The following OR1C1 variants were observed in gnomAD, a reference collection of about 807,000 sequenced individuals.
OR1C1 encodes the protein olfactory receptor 1C1.
For synonymous variants in OR1C1, 153 were observed against 154.6 expected (o/e 0.99, Z 0.08); for missense variants, 407 against 384.3 (o/e 1.06, Z -0.49).
In OR1C1 at chr1:247,755,383, G is replaced by C. The variant is rs1348672280; in HGVS notation, c.*2079C>G. 3.3e-5 allele frequency: 5 copies of C among 152,082 alleles called. No homozygotes were observed. The highest frequency in any genetic ancestry group is 6.6e-5 in the Admixed American group (1 of 15,256). The allele number at this position is 152,082 out of a possible 1,614,324, so 9.4% of individuals were successfully genotyped here. ...AATGAAGAGATGACCTACAAAATGGGAGAAAATATTTGCAAATCATACATC... is the reference window on the plus strand; with the variant it reads ...AATGAAGAGATGACCTACAAAATGGCAGAAAATATTTGCAAATCATACATC... On this transcript the variant is annotated 3_prime_UTR_variant, in exon 2 of 2. Transcript: ENST00000641256.
rs1038427322 is a variant in OR1C1 at position 247,758,484 on chromosome 1, G to C, written c.-13-65C>G. The C allele has an allele frequency of 2.2e-4, 169 of 766,200 alleles. 1 individual carries two copies. The African/African-American group carries it at 3.0e-3, about 14-fold the overall frequency. The allele number at this position is 766,200 out of a possible 1,614,324, so 47.5% of individuals were successfully genotyped here. On this transcript the variant is annotated intron_variant, in intron 1 of 1. Transcript: ENST00000641256. Reference sequence around the variant, plus strand: ...TTAAGTCTCTTATTCATGAGAGAGAGACAGTGTGTGTGTGTGTGTGTGTGT... The same window carrying C: ...TTAAGTCTCTTATTCATGAGAGAGACACAGTGTGTGTGTGTGTGTGTGTGT...
At chr1:247,758,487 A>AGACAGT in intron 1 of OR1C1, 68 bp from the exon 2 acceptor site, 1 of 596,408 alleles carries the variant, frequency 1.7e-6, no homozygotes, top group South Asian at 2.0e-5. Context: ...AGAGAGAGAC[A>AGACAGT]GTGTGTGTGT....
rs1661205672 is a variant in OR1C1, at chr1:247,756,057, G to A, written c.*1405C>T. 1 of 151,900 alleles carries A rather than the reference G, an allele frequency of 6.6e-6. No individual in the cohort carries two copies. The highest frequency in any genetic ancestry group is 6.6e-5 in the Admixed American group (1 of 15,248). The allele number at this position is 151,900 out of a possible 1,614,324, so 9.4% of individuals were successfully genotyped here. A position where few individuals can be genotyped will look rare whatever the true frequency, so the allele number is the denominator to read the frequency against. The stretch of plus-strand genomic sequence containing the variant: ...AGACACGTCTTACCCATTTTTATTG[G>A]GTAAAACTGAAGTTACAATTTACTT... On this transcript the variant is annotated 3_prime_UTR_variant, in exon 2 of 2. Transcript: ENST00000641256. The surrounding 1 kb of genome is among the most constrained non-coding windows in gnomAD (Gnocchi z 4.3).
At position 247,756,054 on chromosome 1, in the gene OR1C1, T is replaced by C. The variant is rs985362892; in HGVS notation, c.*1408A>G. The stretch of plus-strand genomic sequence containing the variant: ...TACAGACACGTCTTACCCATTTTTA[T>C]TGGGTAAAACTGAAGTTACAATTTA... On this transcript the variant is annotated 3_prime_UTR_variant, in exon 2 of 2. Transcript: ENST00000641256. The surrounding 1 kb of genome is among the most constrained non-coding windows in gnomAD (Gnocchi z 4.3). 1.3e-5 allele frequency: 2 copies of C among 152,222 alleles called. No homozygotes were observed. The highest frequency in any genetic ancestry group is 2.4e-5 in the African/African-American group (1 of 41,458). 9.4% of individuals were successfully genotyped at this position (152,222 alleles called of 1,614,324 possible). A position where few individuals can be genotyped will look rare whatever the true frequency, so the allele number is the denominator to read the frequency against.
At chr1:247,759,643 C>T (rs1025787092) in intron 1 of OR1C1, among the ~76,000 whole-genome samples, 1 of 152,074 alleles carries the variant, frequency 6.6e-6, no homozygotes, top group Admixed American at 6.6e-5. Context: ...AGATAATATA[C>T]ATGTTCTGGT....
rs759367214 is a variant in OR1C1 at position 247,757,475 on chromosome 1, A to C, written c.932T>G (p.Phe311Cys). The change falls in exon 2 of 2, where the codon TTT becomes TGT. Residue 311 changes from phenylalanine (F) to cysteine (C), a missense_variant. Phe to Cys is a radical substitution (Grantham distance 205, BLOSUM62 -2). Transcript: ENST00000641256. ...TCACTGAGGTCATTATTGCTGCTGA[A>C]AGACTGTGCACTTGAGAAGCATTTT... is the stretch of plus-strand genomic sequence containing the variant. ...LQKMLLKCTV[F>C]QQQ The C allele has an allele frequency of 4.1e-5, 66 of 1,612,514 alleles. No homozygotes were observed. Among genetic ancestry groups the C allele is most frequent in the Non-Finnish European group, 5.6e-5 (66 of 1,179,156 alleles).
chr1:247,757,796 C>G lies in OR1C1; in HGVS notation c.611G>C (p.Gly204Ala). The stretch of plus-strand genomic sequence containing the variant: ...GACAAGGGGCGTGAGAGCCAATAGA[C>G]CTCCTACTGCAAAAATGATCATTAC... ...FNVMIIFAVG[G>A]LLALTPLVCI... Residue 204 changes from glycine to alanine, a missense_variant, in exon 2 of 2, where the codon GGT becomes GCT. Coordinates refer to ENST00000641256, the MANE Select transcript of OR1C1 (RefSeq NM_012353.3). 6.2e-7 allele frequency: 1 copy of G among 1,613,936 alleles called. No homozygotes were observed. Among genetic ancestry groups the G allele is most frequent in the Non-Finnish European group, 8.5e-7 (1 of 1,179,940 alleles).
In OR1C1 at chr1:247,758,331, G is replaced by T; in HGVS notation, c.76C>A (p.Leu26Ile). ...ATACAGAGAAAGAGCACAGACAGGA[G>T]GTGCTGCTGCTCTGCTGAGCTAGGA... ...GLPSSAEQQH[L>I]LSVLFLCMYL... The change falls in exon 2 of 2, where the codon CTC (leucine) becomes ATC (isoleucine). Residue 26 changes from leucine (L) to isoleucine (I), a missense_variant. Coordinates refer to ENST00000641256, the MANE Select transcript of OR1C1 (RefSeq NM_012353.3). The T allele has an allele frequency of 6.2e-7, 1 of 1,613,174 alleles. No individual in the cohort carries two copies. Among genetic ancestry groups the T allele is most frequent in the Non-Finnish European group, 8.5e-7 (1 of 1,179,216 alleles).
In OR1C1 at chr1:247,757,535, G is replaced by T. The variant is rs760499609; in HGVS notation, c.872C>A (p.Thr291Asn). ...VAPMLNPFIYTLRNRDMKRGL... is the reference protein window; with the variant it reads ...VAPMLNPFIYNLRNRDMKRGL... ...CCTCTTCATATCCCTGTTCCTTAGG[G>T]TATAGATGAAAGGATTCAGCATCGG... is the stretch of plus-strand genomic sequence containing the variant. Residue 291 changes from threonine to asparagine, a missense_variant, in exon 2 of 2, where the codon ACC becomes AAC. By Grantham distance (65) the Thr-to-Asn change is moderately conservative. Coordinates refer to ENST00000641256, the MANE Select transcript of OR1C1 (RefSeq NM_012353.3). 2.5e-6 allele frequency: 4 copies of T among 1,613,966 alleles called. No individual in the cohort carries two copies. Among genetic ancestry groups the T allele is most frequent in the Non-Finnish European group, 3.4e-6 (4 of 1,180,004 alleles).
At chr1:247,758,486 C>A in intron 1 of OR1C1, 67 bp from the exon 2 acceptor site, 1 of 714,524 alleles carries the variant, frequency 1.4e-6, no homozygotes, top group South Asian at 1.8e-5. Context: ...GAGAGAGAGA[C>A]AGTGTGTGTG....
rs1661219651 is a variant in OR1C1 at position 247,756,893 on chromosome 1, G to A, written c.*569C>T. The stretch of plus-strand genomic sequence containing the variant: ...CTGAGTTCCTCCATGCCTGAGATCA[G>A]TTAGGGACACACATGACAAGGACAT... On this transcript the variant is annotated 3_prime_UTR_variant, in exon 2 of 2. Coordinates refer to ENST00000641256, the MANE Select transcript of OR1C1 (RefSeq NM_012353.3). The surrounding 1 kb of genome is among the most constrained non-coding windows in gnomAD (Gnocchi z 4.3). 6.6e-6 allele frequency: 1 copy of A among 151,648 alleles called. No individual in the cohort carries two copies. The highest frequency in any genetic ancestry group is 6.5e-5 in the Admixed American group (1 of 15,322). The allele number at this position is 151,648 out of a possible 1,614,324, so 9.4% of individuals were successfully genotyped here. A position where few individuals can be genotyped will look rare whatever the true frequency, so the allele number is the denominator to read the frequency against.
At position 247,758,249 on chromosome 1, in the gene OR1C1, G is replaced by C; in HGVS notation, c.158C>G (p.Ser53Cys). ...MLIIATIGFD[S>C]HLHSPMYFFL... is the part of the protein sequence containing the mutation. ...GAAGTACATAGGGGAATGGAGGTGA[G>C]AGTCAAAGCCAATCGTCGCAATGAT... The change falls in exon 2 of 2, where the codon TCT (serine) becomes TGT (cysteine). Residue 53 changes from serine (S) to cysteine (C), a missense_variant. Coordinates refer to ENST00000641256, the MANE Select transcript of OR1C1 (RefSeq NM_012353.3). The C allele has an allele frequency of 6.2e-7, 1 of 1,614,074 alleles. No homozygotes were observed. The highest frequency in any genetic ancestry group is 8.5e-7 in the Non-Finnish European group (1 of 1,180,000).
At position 247,757,798 on chromosome 1, in the gene OR1C1, T is replaced by G. The variant is rs1552812; in HGVS notation, c.609A>C (p.Gly203=). 0.86 allele frequency: 1,394,995 copies of G among 1,613,556 alleles called. 609,923 individuals are homozygous for G. Among genetic ancestry groups the G allele is most frequent in the Admixed American group, 0.9 (53,910 of 59,946 alleles). ...CAAGGGGCGTGAGAGCCAATAGACC[T>G]CCTACTGCAAAAATGATCATTACAT... The part of the protein sequence containing the change: ...SFNVMIIFAV[G]GLLALTPLVC... Residue 203 remains glycine, a synonymous_variant, in exon 2 of 2, where the codon GGA becomes GGC. Transcript: ENST00000641256.
Position 247,758,016 on chromosome 1 carries a change from G to T in OR1C1, c.391C>A (p.His131Asn). 2.5e-6 allele frequency: 4 copies of T among 1,614,138 alleles called. No homozygotes were observed. The highest frequency in any genetic ancestry group is 3.4e-6 in the Non-Finnish European group (4 of 1,180,016). The change falls in exon 2 of 2, where the codon CAT becomes AAT. Residue 131 changes from histidine (H) to asparagine (N), a missense_variant. Transcript: ENST00000641256. ...CACAGGTTCATTCTGGCGGTGTAAT[G>T]TAAGGGGTGGCAAATCGCCACATAT... ...DRYVAICHPL[H>N]YTARMNLCLC...
At chr1:247,759,277 A>T (rs1334116739) in intron 1 of OR1C1, among the ~76,000 whole-genome samples, 2 of 152,210 alleles carry the variant, frequency 1.3e-5, no homozygotes, top group East Asian at 3.8e-4. Context: ...TACATCATTC[A>T]TGTAATCCGT....
chr1:247,756,935 A>C lies in OR1C1; in HGVS notation c.*527T>G, dbSNP rs2103232948. 1 of 154,222 alleles carries C rather than the reference A, an allele frequency of 6.5e-6. No homozygotes were observed. The highest frequency in any genetic ancestry group is 1.9e-4 in the East Asian group (1 of 5,214). 9.6% of individuals were successfully genotyped at this position (154,222 alleles called of 1,614,324 possible). On this transcript the variant is annotated 3_prime_UTR_variant, in exon 2 of 2. Coordinates refer to ENST00000641256, the MANE Select transcript of OR1C1 (RefSeq NM_012353.3). This position sits in a 1 kb window ranked among gnomAD's most constrained non-coding sequence, Gnocchi z 4.3. ...CAAGGACATGTGTCAATAGAATAAAATCATTGACTGTATTTGAAGTGAGAG... is the reference window on the plus strand; with the variant it reads ...CAAGGACATGTGTCAATAGAATAAACTCATTGACTGTATTTGAAGTGAGAG...
Position 247,758,071 on chromosome 1 carries a change from G to C in OR1C1, c.336C>G (p.Ser112Arg). 6.2e-7 allele frequency: 1 copy of C among 1,614,094 alleles called. No homozygotes were observed. The highest frequency in any genetic ancestry group is 1.7e-5 in the Admixed American group (1 of 59,976). The change falls in exon 2 of 2, where the codon AGC becomes AGG. Residue 112 changes from serine to arginine, a missense_variant. Transcript: ENST00000641256. Reference sequence around the variant, plus strand: ...CATACGCCATCACACACAGAAGGAGGCTGTCCATATTCACAAAAGAAACGA... The same window carrying C: ...CATACGCCATCACACACAGAAGGAGCCTGTCCATATTCACAAAAGAAACGA... ...FFFVSFVNMD[S>R]LLLCVMAYDR...
chr1:247,758,486 C>CTGTGTG, intron 1 of OR1C1, 67 bp from the exon 2 acceptor site: 1 of 714,524 alleles, frequency 1.4e-6, no homozygotes, highest in Non-Finnish European at 2.2e-6. Context: ...GAGAGAGAGA[C>CTGTGTG]AGTGTGTGTG....
At chr1:247,759,886 C>G (rs1305639643) in intron 1 of OR1C1, among the ~76,000 whole-genome samples, 1 of 152,100 alleles carries the variant, frequency 6.6e-6, no homozygotes, top group Non-Finnish European at 1.5e-5. Context: ...ATTTGCATGC[C>G]TTTGAGGGAG....
Sources: gnomAD v4.1 joint callset for allele counts (sites outside exome capture counted in the v4.1 genomes callset) on GRCh38, gnomAD v4.1.1 for gene constraint, Gnocchi (gnomAD v3.1) non-coding constraint, MANE v1.5 for transcripts, NCBI Gene and HGNC (gene_info 2026-07-23, HGNC 2026-07-21) for gene names.